TNIK: variants seen among roughly 807,000 people sequenced by gnomAD.
TNIK encodes TRAF2 and NCK interacting kinase.
TNIK carries 49 observed loss-of-function variants against 191.3 expected under a neutral mutation model. That is an observed-to-expected ratio of 0.26 (90% CI 0.20 to 0.32). TNIK has a LOEUF of 0.32. TNIK is among the 10% of genes least tolerant of loss of function. The pLI, the probability that TNIK is intolerant of heterozygous loss-of-function variation, is 1.00. For missense variants in TNIK, 1,155 were observed against 1,702.3 expected (o/e 0.68, Z 5.66); for synonymous variants, 594 against 600.9 (o/e 0.99, Z 0.17).
At chr3:171,113,670 A>AAT (rs548371638) in intron 18 of TNIK, among the ~76,000 whole-genome samples, 76 of 151,144 alleles carry the variant, frequency 5.0e-4, no homozygotes, top group East Asian at 1.4e-3. Flanking sequence ...TCCCATTAAA[A>AAT]ATATATATAT....
At chr3:171,228,693 A>C (rs1743245625) in intron 2 of TNIK, among the ~76,000 whole-genome samples, 1 of 152,194 alleles carries the variant, frequency 6.6e-6, no homozygotes, top group South Asian at 2.1e-4. Flanking sequence ...TCTTTATCTT[A>C]AAAGGGAGCC....
intron 29 of TNIK, 99 bp from the exon 30 acceptor site, chr3:171,069,096 TA>T: frequency 2.8e-6 from 4 of 1,414,310 alleles, no homozygotes; most frequent in Non-Finnish European, 3.8e-6. Flanking sequence ...CTAACTTTAT[TA>T]AAGTGAAAAA....
intron 2 of TNIK, among the ~76,000 whole-genome samples, chr3:171,257,830 C>T (rs1401870423): frequency 3.9e-5 from 6 of 152,172 alleles, no homozygotes; most frequent in Non-Finnish European, 5.9e-5. Flanking sequence ...TTACACTGCC[C>T]GTGGGGATGG....
intron 2 of TNIK, among the ~76,000 whole-genome samples, chr3:171,361,304 G>A (rs2108469401): frequency 6.6e-6 from 1 of 152,316 alleles, no homozygotes; most frequent in Non-Finnish European, 1.5e-5. Flanking sequence ...CGAACCACTA[G>A]TAGCAATAAG....
intron 2 of TNIK, among the ~76,000 whole-genome samples, chr3:171,263,428 A>G (rs1482865696): frequency 6.6e-6 from 1 of 152,216 alleles, no homozygotes; most frequent in Non-Finnish European, 1.5e-5. Context: ...ACTGTACCAG[A>G]CTGCAACTCT....
intron 18 of TNIK, among the ~76,000 whole-genome samples, chr3:171,120,180 G>A (rs1042132959): frequency 6.6e-6 from 1 of 152,106 alleles, no homozygotes; most frequent in African/African-American, 2.4e-5. Flanking sequence ...TGTCCCAAAT[G>A]ATCAAAAAAC....
chr3:171,425,563 C>T (rs10936686), intron 1 of TNIK, among the ~76,000 whole-genome samples: 5,534 of 152,194 alleles, frequency 0.036, 125 homozygotes, highest in South Asian at 0.062. Context: ...TGGTGGCTCA[C>T]GCCTGTAATC....
At chr3:171,099,038 T>TGTCAA (rs1226895993) in intron 22 of TNIK, among the ~76,000 whole-genome samples, 1 of 152,152 alleles carries the variant, frequency 6.6e-6, no homozygotes, top group Non-Finnish European at 1.5e-5. Flanking sequence ...TTAAGAACCA[T>TGTCAA]GTCAAGTCTT....
chr3:171,190,652 T>C (rs1387457393), intron 6 of TNIK, 45 bp downstream of exon 6: 2 of 1,445,092 alleles, frequency 1.4e-6, no homozygotes, highest in Admixed American at 4.0e-5. Flanking sequence ...TAATATAATC[T>C]CATCACTTCC....
chr3:171,337,781 A>G (rs2108388797), intron 2 of TNIK, among the ~76,000 whole-genome samples: 1 of 152,328 alleles, frequency 6.6e-6, no homozygotes, highest in African/African-American at 2.4e-5. Context: ...ATATTTTCTC[A>G]AGATTACCAT....
At chr3:171,421,470 A>C (rs1219001159) in intron 1 of TNIK, among the ~76,000 whole-genome samples, 4 of 152,186 alleles carry the variant, frequency 2.6e-5, no homozygotes, top group African/African-American at 9.7e-5. Flanking sequence ...CTGTGATCCA[A>C]CTTGGATACA....
In TNIK at chr3:171,413,497, G is replaced by A. The variant is rs936388577; in HGVS notation, c.58-43812C>T. Among the ~76,000 whole-genome samples, 8 of 152,196 alleles carry A rather than the reference G, an allele frequency of 5.3e-5. 1 individual carries two copies. In the South Asian group the frequency reaches 8.3e-4, roughly 16 times the overall value. Reference sequence around the variant, plus strand: ...CCACCTCTGCATCTTTGCACTGGCCGGATCCTCTCAGCATCACCCACTGGC... The same window carrying A: ...CCACCTCTGCATCTTTGCACTGGCCAGATCCTCTCAGCATCACCCACTGGC... On this transcript the variant is annotated intron_variant, in intron 1 of 32. Transcript: ENST00000436636.
chr3:171,325,509 G>A (rs1053938180), intron 2 of TNIK, among the ~76,000 whole-genome samples: 8 of 152,086 alleles, frequency 5.3e-5, no homozygotes, highest in African/African-American at 1.9e-4. Flanking sequence ...CTTATAATGA[G>A]TATAATTATC....
intron 23 of TNIK, among the ~76,000 whole-genome samples, chr3:171,089,989 CA>C (rs1171440005): frequency 1.3e-5 from 2 of 152,134 alleles, no homozygotes; most frequent in African/African-American, 4.8e-5. Flanking sequence ...CTGATTGAAT[CA>C]GGGGTGGATG....
Position 171,171,561 on chromosome 3 carries a change from CCTCAA to C in TNIK, c.773+3686_773+3690del, listed in dbSNP as rs1383990776. 2.0e-5 allele frequency among the ~76,000 whole-genome samples: 3 copies of C among 152,256 alleles called. No homozygotes were observed. In the East Asian group the frequency reaches 5.8e-4, roughly 29 times the overall value. On this transcript the variant is annotated intron_variant, in intron 9 of 32. Transcript: ENST00000436636. The stretch of plus-strand genomic sequence containing the variant: ...TAAGCAGTTATGATTTTTCTAATGA[CCTCAA>C]CTGAGTGCTGCTTTGCCTGTGTGGG...
At chr3:171,163,712 A>G (rs1734278014) in intron 10 of TNIK, among the ~76,000 whole-genome samples, 1 of 152,246 alleles carries the variant, frequency 6.6e-6, no homozygotes, top group Non-Finnish European at 1.5e-5. Flanking sequence ...AATAAAGGAA[A>G]TTACAGCAAG....
intron 12 of TNIK, 85 bp downstream of exon 12, chr3:171,157,375 G>A (rs1449161763): frequency 2.7e-6 from 4 of 1,477,468 alleles, no homozygotes; most frequent in Non-Finnish European, 2.7e-6. Flanking sequence ...GTGCTCACAG[G>A]TGGGATGTGG....
intron 2 of TNIK, among the ~76,000 whole-genome samples, chr3:171,313,011 G>A (rs879441360): frequency 2.2e-4 from 33 of 151,988 alleles, no homozygotes; most frequent in Admixed American, 5.9e-4. Flanking sequence ...CTCCCAGGGT[G>A]CTACGCCGAA....
Position 171,369,648 on chromosome 3 carries a change from C to T in TNIK, c.95G>A (p.Gly32Glu). 6.3e-7 allele frequency: 1 copy of T among 1,577,018 alleles called. No individual in the cohort carries two copies. The highest frequency in any genetic ancestry group is 8.6e-7 in the Non-Finnish European group (1 of 1,160,220). The change falls in exon 2 of 33, where the codon GGA (glycine) becomes GAA (glutamate). Residue 32 changes from glycine (G) to glutamate (E), a missense_variant. By Grantham distance (98) the Gly-to-Glu change is moderately conservative (BLOSUM62 -2). This residue lies in a region of TNIK where 225 missense variants were observed against 438.9 expected (regional missense o/e 0.51). Transcript: ENST00000436636. Reference protein sequence around the residue: ...AGIFELVELVGNGTYGQVYKG... With the variant: ...AGIFELVELVENGTYGQVYKG... Reference sequence around the variant, plus strand: ...ATAAACTTGCCCGTATGTTCCATTTCCAACAAGTTCCACCAATTCAAAGAT... The same window carrying T: ...ATAAACTTGCCCGTATGTTCCATTTTCAACAAGTTCCACCAATTCAAAGAT...
Sources: gnomAD v4.1 joint callset for allele counts (sites outside exome capture counted in the v4.1 genomes callset) on GRCh38, gnomAD v4.1.1 for gene constraint, gnomAD v4.1.1 regional missense constraint, MANE v1.5 for transcripts, NCBI Gene and HGNC (gene_info 2026-07-23, HGNC 2026-07-21) for gene names.